Variants in MAGI3 observed in about 807,000 individuals in gnomAD.
The protein encoded by MAGI3 is membrane associated guanylate kinase, WW and PDZ domain containing 3.
A neutral mutation model predicts 121.8 loss-of-function variants in MAGI3; 43 were observed. That is an observed-to-expected ratio of 0.35 (90% CI 0.28 to 0.46). The LOEUF (loss-of-function observed/expected upper bound fraction) is 0.46. Among genes scored for constraint, MAGI3 ranks in the 20% least tolerant of loss-of-function variants. The pLI is 1.00. For synonymous variants in MAGI3, 553 were observed against 639.3 expected, an observed-to-expected ratio of 0.86 and a Z score of 2.04; for missense variants, 1,547 against 1,797.3, an observed-to-expected ratio of 0.86 and a Z score of 2.52.
chr1:113,414,031 T>G lies in MAGI3; in HGVS notation c.316+22682T>G, dbSNP rs190073473. Among the ~76,000 whole-genome samples, 244 of 152,288 alleles carry G rather than the reference T, an allele frequency of 1.6e-3. 1 individual carries two copies. The highest frequency in any genetic ancestry group is 5.8e-3 in the East Asian group (30 of 5,186). ...CTGTGGGTTTGTCATAAATAGCTCT[T>G]ATTATTTTGAGATACGTTCCATGAA... On this transcript the variant is annotated intron_variant, in intron 1 of 20. Transcript: ENST00000307546.
At chr1:113,640,773 C>T (rs1652408319) in intron 9 of MAGI3, among the ~76,000 whole-genome samples, 1 of 151,128 alleles carries the variant, frequency 6.6e-6, no homozygotes, top group South Asian at 2.1e-4. Flanking sequence ...ATAACTAATG[C>T]ATGTGGGGCT....
chr1:113,542,874 C>G (rs1425203935), intron 1 of MAGI3, among the ~76,000 whole-genome samples: 1 of 152,094 alleles, frequency 6.6e-6, no homozygotes, highest in Non-Finnish European at 1.5e-5. Context: ...GACAGATTGA[C>G]TGTGTTCACA....
At chr1:113,646,214 G>A (rs1454619863) in intron 11 of MAGI3, among the ~76,000 whole-genome samples, 1 of 152,048 alleles carries the variant, frequency 6.6e-6, no homozygotes, top group Non-Finnish European at 1.5e-5. Context: ...CTTGGTGGTG[G>A]AGAAAAGGGC....
At chr1:113,437,878 C>CTTCT (rs1159011889) in intron 1 of MAGI3, among the ~76,000 whole-genome samples, 10 of 11,012 alleles carry the variant, frequency 9.1e-4, no homozygotes, top group East Asian at 8.2e-3. Flanking sequence ...TCTTCTTCTT[C>CTTCT]TCCTTCTCCT....
At chr1:113,565,830 AG>A (rs1394580116) in intron 2 of MAGI3, among the ~76,000 whole-genome samples, 5 of 152,170 alleles carry the variant, frequency 3.3e-5, no homozygotes, top group Non-Finnish European at 7.4e-5. Flanking sequence ...GACTGACTTG[AG>A]TGTATTGTGA....
intron 3 of MAGI3, among the ~76,000 whole-genome samples, chr1:113,582,977 A>C (rs1333415727): frequency 6.6e-6 from 1 of 151,714 alleles, no homozygotes; most frequent in Non-Finnish European, 1.5e-5. Flanking sequence ...AAAATGAAAA[A>C]GCCTTCAGAA....
intron 9 of MAGI3, among the ~76,000 whole-genome samples, chr1:113,638,308 G>A (rs1652182844): frequency 6.6e-6 from 1 of 152,202 alleles, no homozygotes; most frequent in African/African-American, 2.4e-5. Flanking sequence ...GAGGCGCTCT[G>A]CTTTTTAGAG....
intron 1 of MAGI3, among the ~76,000 whole-genome samples, chr1:113,454,029 CAG>C (rs531227389): frequency 1.0e-3 from 159 of 152,274 alleles, no homozygotes; most frequent in South Asian, 8.5e-3. Context: ...TCTCAAAAAA[CAG>C]AGCATATACC....
intron 14 of MAGI3, 78 bp downstream of exon 14, chr1:113,651,284 G>C (rs777044596): frequency 2.4e-5 from 33 of 1,368,058 alleles, no homozygotes; most frequent in Non-Finnish European, 3.2e-5. Flanking sequence ...AGTTTTGCAG[G>C]TTATTTTATT....
intron 2 of MAGI3, among the ~76,000 whole-genome samples, chr1:113,554,522 C>A: frequency 6.6e-6 from 1 of 151,036 alleles, no homozygotes. Flanking sequence ...AGTACCAGTA[C>A]CATAACTAGT....
chr1:113,419,817 C>A (rs914173886), intron 1 of MAGI3, among the ~76,000 whole-genome samples: 1 of 152,106 alleles, frequency 6.6e-6, no homozygotes, highest in Admixed American at 6.5e-5. Context: ...GGCTGCATTC[C>A]TTCTGGAGGC....
At chr1:113,627,983 A>G (rs1327987098) in intron 9 of MAGI3, among the ~76,000 whole-genome samples, 2 of 151,658 alleles carry the variant, frequency 1.3e-5, no homozygotes, top group African/African-American at 2.4e-5. Flanking sequence ...CATCTTCTCT[A>G]TGTCTTTTGA....
In MAGI3 at chr1:113,517,819, T is replaced by A. The variant is rs192574365; in HGVS notation, c.317-31696T>A. 1.6e-4 allele frequency among the ~76,000 whole-genome samples: 25 copies of A among 152,136 alleles called. No homozygotes were observed. In the East Asian group the frequency reaches 4.2e-3, roughly 26 times the overall value. ...GTCACAAAACCTGATATCTCCTGCA[T>A]TCTCTGTCTTGTTCCACCAACTGAA... On this transcript the variant is annotated intron_variant, in intron 1 of 20. Coordinates refer to ENST00000307546, the MANE Select transcript of MAGI3 (RefSeq NM_001142782.2).
chr1:113,553,499 G>A (rs1259726746), intron 2 of MAGI3, among the ~76,000 whole-genome samples: 1 of 152,144 alleles, frequency 6.6e-6, no homozygotes, highest in African/African-American at 2.4e-5. Context: ...AGCTTACCCA[G>A]GGGCCAGGAG....
chr1:113,646,247 A>G (rs959014672), intron 11 of MAGI3, among the ~76,000 whole-genome samples: 4 of 152,248 alleles, frequency 2.6e-5, no homozygotes, highest in South Asian at 4.2e-4. Context: ...ACATAGGACT[A>G]ACTAAGGCTC....
intron 1 of MAGI3, among the ~76,000 whole-genome samples, chr1:113,447,665 C>G (rs1298830939): frequency 6.6e-6 from 1 of 152,058 alleles, no homozygotes; most frequent in Middle Eastern, 3.2e-3. Flanking sequence ...ACCAACCTGG[C>G]CAAAATTGTG....
rs928322378 is a variant in MAGI3, at chr1:113,415,535, C to T, written c.316+24186C>T. Among the ~76,000 whole-genome samples, 5 of 152,026 alleles carry T rather than the reference C, an allele frequency of 3.3e-5. No individual in the cohort carries two copies. In the South Asian group the frequency reaches 6.2e-4, roughly 19 times the overall value. ...CCTTTGCCTCTCTTTTCTATCTCTCCGCTCCTATTATACTCCAGCCCCAAT... is the reference window on the plus strand; with the variant it reads ...CCTTTGCCTCTCTTTTCTATCTCTCTGCTCCTATTATACTCCAGCCCCAAT... On this transcript the variant is annotated intron_variant, in intron 1 of 20. Coordinates refer to ENST00000307546, the MANE Select transcript of MAGI3 (RefSeq NM_001142782.2).
At chr1:113,481,057 A>G (rs5023142) in intron 1 of MAGI3, among the ~76,000 whole-genome samples, 144,306 of 152,294 alleles carry the variant, frequency 0.95, 68,409 homozygotes, top group East Asian at 0.99. Context: ...TTATCACTAC[A>G]TCCATATTAC....
intron 6 of MAGI3, among the ~76,000 whole-genome samples, chr1:113,596,862 C>T (rs1294051497): frequency 6.6e-6 from 1 of 151,672 alleles, no homozygotes; most frequent in East Asian, 1.9e-4. Flanking sequence ...AACCCTTGTA[C>T]ATTGCTGTGC....
Sources: gnomAD v4.1 joint callset for allele counts (sites outside exome capture counted in the v4.1 genomes callset) on GRCh38, gnomAD v4.1.1 for gene constraint, MANE v1.5 for transcripts, NCBI Gene and HGNC (gene_info 2026-07-23, HGNC 2026-07-21) for gene names.